CLCN1: variants seen among roughly 807,000 people sequenced by gnomAD.
CLCN1 encodes chloride channel protein 1.
Under a neutral mutation model 114.5 loss-of-function variants are expected in CLCN1, and 100 were observed. The observed-to-expected ratio is 0.87, with a 90% confidence interval of 0.74 to 1.03. The LOEUF is 1.03. Among genes scored for constraint, CLCN1 ranks in the 50% least tolerant of loss-of-function variants. The pLI is 0.00. For synonymous variants in CLCN1, 485 were observed against 487.1 expected (o/e 1.00, Z 0.06); for missense variants, 1,188 against 1,250.0 (o/e 0.95, Z 0.75).
intron 12 of CLCN1, among the ~76,000 whole-genome samples, chr7:143,336,121 C>A (rs74801905): frequency 0.11 from 16,326 of 152,128 alleles, 1,094 homozygotes; most frequent in South Asian, 0.21. Flanking sequence ...AACATTGTTA[C>A]CTAGTATCAC....
rs778349479 is a variant in CLCN1 at position 143,339,206 on chromosome 7, T to A, written c.1402-47T>A. On this transcript the variant is annotated intron_variant, in intron 12 of 22. Coordinates refer to ENST00000343257, the MANE Select transcript of CLCN1 (RefSeq NM_000083.3). The surrounding 1 kb of genome is among the most constrained non-coding windows in gnomAD (Gnocchi z 4.1). Reference sequence around the variant, plus strand: ...GGGAAGGGAATTGTGTGTGCATGTCTATTGGGCAGAGTTGAAAGGGTATTC... The same window carrying A: ...GGGAAGGGAATTGTGTGTGCATGTCAATTGGGCAGAGTTGAAAGGGTATTC... 4.1e-6 allele frequency: 5 copies of A among 1,214,882 alleles called. No individual in the cohort carries two copies. The highest frequency in any genetic ancestry group is 3.6e-5 in the South Asian group (3 of 83,112). The allele number at this position is 1,214,882 out of a possible 1,614,324, so 75.3% of individuals were successfully genotyped here.
intron 14 of CLCN1, among the ~76,000 whole-genome samples, chr7:143,341,050 C>G (rs1370155559): frequency 6.6e-6 from 1 of 152,008 alleles, no homozygotes; most frequent in African/African-American, 2.4e-5. Flanking sequence ...TCTAAATGAC[C>G]CCTTTCGCTT....
At position 143,351,985 on chromosome 7, in the gene CLCN1, C is replaced by T; in HGVS notation, c.*20C>T. On this transcript the variant is annotated 3_prime_UTR_variant, in exon 23 of 23. Coordinates refer to ENST00000343257, the MANE Select transcript of CLCN1 (RefSeq NM_000083.3). ...CTTTGACCCCCTCCCACGACCTCCT[C>T]ATAAAGACCGTGGAGAGGCCCAGCC... 6.2e-7 allele frequency: 1 copy of T among 1,612,276 alleles called. No individual in the cohort carries two copies. The highest frequency in any genetic ancestry group is 8.5e-7 in the Non-Finnish European group (1 of 1,180,014).
chr7:143,321,521 G>C lies in CLCN1; in HGVS notation c.562+28G>C. The C allele has an allele frequency of 1.9e-6, 3 of 1,613,774 alleles. No individual in the cohort carries two copies. Among genetic ancestry groups the C allele is most frequent in the Non-Finnish European group, 2.5e-6 (3 of 1,180,024 alleles). On this transcript the variant is annotated intron_variant, in intron 4 of 22. Coordinates refer to ENST00000343257, the MANE Select transcript of CLCN1 (RefSeq NM_000083.3). The surrounding 1 kb of genome is among the most constrained non-coding windows in gnomAD (Gnocchi z 4.2). ...GAGAACTTGCCACCAGACTCGGCCT[G>C]AGCTGGGTGGCCTGAGAGGGGCCCT...
At chr7:143,320,022 T>C in intron 2 of CLCN1, 147 bp downstream of exon 2, 2 of 839,968 alleles carry the variant, frequency 2.4e-6, no homozygotes, top group South Asian at 1.5e-5. Context: ...AGGGTCTCAC[T>C]CTGTCATTCA....
At position 143,316,293 on chromosome 7, in the gene CLCN1, T is replaced by A; in HGVS notation, c.81T>A (p.Phe27Leu). Reference sequence around the variant, plus strand: ...ACCCCCAGTACCAGTATATGCCCTTTGAACACTGCACCAGCTACGGACTGC... The same window carrying A: ...ACCCCCAGTACCAGTATATGCCCTTAGAACACTGCACCAGCTACGGACTGC... ...GSDPQYQYMP[F>L]EHCTSYGLPS... Residue 27 changes from phenylalanine to leucine, a missense_variant, in exon 1 of 23, where the codon TTT becomes TTA. By Grantham distance (22) the Phe-to-Leu change is conservative. Coordinates refer to ENST00000343257, the MANE Select transcript of CLCN1 (RefSeq NM_000083.3). 10 of 1,613,760 alleles carry A rather than the reference T, an allele frequency of 6.2e-6. No individual in the cohort carries two copies. Among genetic ancestry groups the A allele is most frequent in the Non-Finnish European group, 7.6e-6 (9 of 1,179,870 alleles).
At chr7:143,323,274 C>T (rs929531363) in intron 5 of CLCN1, 35 bp from the exon 6 acceptor site, 2 of 1,185,896 alleles carry the variant, frequency 1.7e-6, no homozygotes, top group African/African-American at 3.0e-5. Context: ...TCCATCTGGC[C>T]TCTGACCCCC....
At chr7:143,331,785 T>C (rs1057490330) in intron 10 of CLCN1, 133 bp downstream of exon 10, 17 of 719,800 alleles carry the variant, frequency 2.4e-5, no homozygotes, top group Non-Finnish European at 3.8e-5. Context: ...AGCTCTGATA[T>C]TGTGGTTAGG....
intron 14 of CLCN1, among the ~76,000 whole-genome samples, chr7:143,340,059 A>G (rs1362945124): frequency 6.6e-6 from 1 of 152,184 alleles, no homozygotes; most frequent in Non-Finnish European, 1.5e-5. Context: ...GCCACTTGTT[A>G]CCAGTCACCA....
rs1803381455 is a variant in CLCN1, at chr7:143,350,946, T to G, written c.2595+292T>G. 6.6e-6 allele frequency among the ~76,000 whole-genome samples: 1 copy of G among 152,022 alleles called. No homozygotes were observed. On this transcript the variant is annotated intron_variant, in intron 22 of 22. Transcript: ENST00000343257. The surrounding 1 kb of genome is among the most constrained non-coding windows in gnomAD (Gnocchi z 5.1). ...GCGCCCGCTACCACACCCGCTAATT[T>G]TTTGTATTTTTAGTAGAGACGGGGT...
intron 7 of CLCN1, among the ~76,000 whole-genome samples, chr7:143,329,211 C>T (rs1802658432): frequency 6.6e-6 from 1 of 152,188 alleles, no homozygotes. Context: ...CATGATCCCC[C>T]TGCCTCGGCC....
Position 143,350,643 on chromosome 7 carries a change from G to A in CLCN1, c.2584G>A (p.Ala862Thr). 6.2e-7 allele frequency: 1 copy of A among 1,613,778 alleles called. No individual in the cohort carries two copies. Among genetic ancestry groups the A allele is most frequent in the South Asian group, 1.1e-5 (1 of 91,064 alleles). Residue 862 changes from alanine to threonine, a missense_variant, in exon 22 of 23, where the codon GCC (alanine) becomes ACC (threonine). By Grantham distance (58) the Ala-to-Thr change is moderately conservative. Transcript: ENST00000343257. The surrounding 1 kb of genome is among the most constrained non-coding windows in gnomAD (Gnocchi z 5.1). ...CATGGGGAAGCTCAGGGGCGTCCTGGCCCTGGAGGAGGTAATCACGATGTG... is the reference window on the plus strand; with the variant it reads ...CATGGGGAAGCTCAGGGGCGTCCTGACCCTGGAGGAGGTAATCACGATGTG... ...TSMGKLRGVL[A>T]LEELQKAIEG...
In CLCN1 at chr7:143,330,509, C is replaced by G. The variant is rs187251385; in HGVS notation, c.854-263C>G. On this transcript the variant is annotated intron_variant, in intron 7 of 22. Coordinates refer to ENST00000343257, the MANE Select transcript of CLCN1 (RefSeq NM_000083.3). ...ATGCAGAGGGCACGGACACTTGGTCCTCATGTTTTGGAGGTTGAAGGCCCA... is the reference window on the plus strand; with the variant it reads ...ATGCAGAGGGCACGGACACTTGGTCGTCATGTTTTGGAGGTTGAAGGCCCA... Among the ~76,000 whole-genome samples, 343 of 152,244 alleles carry G rather than the reference C, an allele frequency of 2.3e-3. 2 individuals carry two copies. The highest frequency in any genetic ancestry group is 8.0e-3 in the African/African-American group (331 of 41,530).
chr7:143,342,007 C>G lies in CLCN1; in HGVS notation c.1661C>G (p.Ala554Gly). The change falls in exon 15 of 23, where the codon GCT becomes GGT. Residue 554 changes from alanine (A) to glycine (G), a missense_variant. Transcript: ENST00000343257. ...VICFELTGQI[A>G]HILPMMVAVI... ...TGCTTCGAATTAACGGGTCAGATTG[C>G]TCACATCCTGCCCATGATGGTGGCT... 1.9e-6 allele frequency: 3 copies of G among 1,614,194 alleles called. No individual in the cohort carries two copies. Among genetic ancestry groups the G allele is most frequent in the Non-Finnish European group, 2.5e-6 (3 of 1,180,032 alleles).
intron 6 of CLCN1, chr7:143,323,618 C>T: frequency 1.5e-6 from 1 of 668,278 alleles, no homozygotes; most frequent in Non-Finnish European, 2.8e-6. Flanking sequence ...ACCTGTGGCC[C>T]CACATGGAGG....
At chr7:143,330,969 T>C in intron 8 of CLCN1, 72 bp downstream of exon 8, 3 of 1,606,622 alleles carry the variant, frequency 1.9e-6, no homozygotes, top group Non-Finnish European at 1.7e-6. Context: ...AGGAAAACTC[T>C]GTGGGGCAGT....
In CLCN1 at chr7:143,319,823, C is replaced by T; in HGVS notation, c.249C>T (p.Gly83=). The T allele has an allele frequency of 1.9e-6, 3 of 1,613,752 alleles. No homozygotes were observed. The highest frequency in any genetic ancestry group is 2.5e-6 in the Non-Finnish European group (3 of 1,179,662). ...EQDIGMPKKT[G]SSSTVDSKDE... is the part of the protein sequence containing the mutation. Reference sequence around the variant, plus strand: ...ACATAGGGATGCCCAAGAAGACAGGCTCCAGTTCTACCGTGGACAGCAAGG... The same window carrying T: ...ACATAGGGATGCCCAAGAAGACAGGTTCCAGTTCTACCGTGGACAGCAAGG... Residue 83 remains glycine (G), a synonymous_variant, in exon 2 of 23, where the codon GGC becomes GGT. Transcript: ENST00000343257.
At chr7:143,317,150 A>G (rs1209038179) in intron 1 of CLCN1, among the ~76,000 whole-genome samples, 1 of 152,048 alleles carries the variant, frequency 6.6e-6, no homozygotes, top group East Asian at 1.9e-4. Context: ...ATGGAAAAAG[A>G]TAGGTCATGG....
Position 143,351,578 on chromosome 7 carries a change from T to A in CLCN1, c.2596-16T>A, listed in dbSNP as rs1388045310. On this transcript the variant is annotated splice_polypyrimidine_tract_variant and intron_variant, in intron 22 of 22. Coordinates refer to ENST00000343257, the MANE Select transcript of CLCN1 (RefSeq NM_000083.3). ...TCCAACTTTTTACCCTCTTTTCCTT[T>A]CCCACTGCTCTTCAGCTACAGAAGG... 18 of 1,613,812 alleles carry A rather than the reference T, an allele frequency of 1.1e-5. No homozygotes were observed. In the East Asian group the frequency reaches 3.6e-4, roughly 32 times the overall value.
Sources: gnomAD v4.1 joint callset for allele counts (sites outside exome capture counted in the v4.1 genomes callset) on GRCh38, gnomAD v4.1.1 for gene constraint, Gnocchi (gnomAD v3.1) non-coding constraint, MANE v1.5 for transcripts, NCBI Gene and HGNC (gene_info 2026-07-23, HGNC 2026-07-21) for gene names.